Variants in TUSC3 observed in about 807,000 individuals in gnomAD.
The protein encoded by TUSC3 is dolichyl-diphosphooligosaccharide--protein glycosyltransferase subunit TUSC3.
Under a neutral mutation model 44.8 loss-of-function variants are expected in TUSC3, and 45 were observed. The observed-to-expected ratio is 1.00, with a 90% CI of 0.79 to 1.29. TUSC3 has a LOEUF of 1.29. Ranked by LOEUF, TUSC3 falls within the 50% of genes most tolerant of loss-of-function variation. TUSC3 has a pLI of 0.00. For missense variants in TUSC3, 519 were observed against 437.9 expected, an observed-to-expected ratio of 1.19 and a Z score of -1.65; for synonymous variants, 212 against 152.9, an observed-to-expected ratio of 1.39 and a Z score of -2.85.
rs574876069 is a variant in TUSC3, at chr8:15,666,878, A to C, written c.708+4582A>C. 3.3e-5 allele frequency among the ~76,000 whole-genome samples: 5 copies of C among 151,588 alleles called. No individual in the cohort carries two copies. The South Asian group carries it at 1.0e-3, about 31-fold the overall frequency. On this transcript the variant is annotated intron_variant, in intron 5 of 10. Transcript: ENST00000503731. Reference sequence around the variant, plus strand: ...GCCATTTGTGTAAAGAGTTAGGAAAACAGAAAATAAAATGAATTCGTATAT... The same window carrying C: ...GCCATTTGTGTAAAGAGTTAGGAAACCAGAAAATAAAATGAATTCGTATAT...
intron 1 of TUSC3, among the ~76,000 whole-genome samples, chr8:15,475,783 A>G (rs1800567012): frequency 6.6e-6 from 1 of 152,176 alleles, no homozygotes; most frequent in Non-Finnish European, 1.5e-5. Flanking sequence ...TTTGCATTTT[A>G]TAAAAGTACT....
intron 1 of TUSC3, among the ~76,000 whole-genome samples, chr8:15,583,512 C>G (rs974706450): frequency 7.9e-5 from 12 of 152,080 alleles, no homozygotes; most frequent in African/African-American, 2.9e-4. Context: ...AAAATGTGTT[C>G]TATGGTTAAG....
chr8:15,569,018 A>G (rs1238408556), intron 1 of TUSC3, among the ~76,000 whole-genome samples: 1 of 152,140 alleles, frequency 6.6e-6, no homozygotes, highest in African/African-American at 2.4e-5. Context: ...CCTGATTTAC[A>G]TTAGATAGTT....
chr8:15,609,387 A>G (rs546225848), intron 1 of TUSC3, among the ~76,000 whole-genome samples: 210 of 152,174 alleles, frequency 1.4e-3, no homozygotes, highest in Non-Finnish European at 2.2e-3. Flanking sequence ...TGTATTCCCA[A>G]GAGAGGCAGG....
At chr8:15,481,710 A>G (rs758883764) in intron 1 of TUSC3, among the ~76,000 whole-genome samples, 20 of 152,216 alleles carry the variant, frequency 1.3e-4, no homozygotes, top group Non-Finnish European at 2.8e-4. Flanking sequence ...AACAATGTAC[A>G]TACCTTAATT....
chr8:15,521,693 C>T (rs1801302037), intron 2 of TUSC3, among the ~76,000 whole-genome samples: 1 of 152,112 alleles, frequency 6.6e-6, no homozygotes, highest in South Asian at 2.1e-4. Flanking sequence ...ATTGATGCAG[C>T]CTGCGGGCCA....
At chr8:15,466,415 G>T (rs1800415211) in intron 1 of TUSC3, among the ~76,000 whole-genome samples, 1 of 152,048 alleles carries the variant, frequency 6.6e-6, no homozygotes, top group Admixed American at 6.6e-5. Context: ...CTGGTATTTT[G>T]AAATTGTAAA....
At chr8:15,531,205 C>T (rs563820287) in intron 2 of TUSC3, among the ~76,000 whole-genome samples, 1 of 152,174 alleles carries the variant, frequency 6.6e-6, no homozygotes, top group Non-Finnish European at 1.5e-5. Flanking sequence ...CTCCAAGCTG[C>T]CTGCCTGGGC....
chr8:15,687,608 G>C (rs1808692837), intron 6 of TUSC3, among the ~76,000 whole-genome samples: 1 of 152,068 alleles, frequency 6.6e-6, no homozygotes, highest in South Asian at 2.1e-4. Flanking sequence ...CCTAACGTCT[G>C]ACTGAATCTT....
Position 15,741,629 on chromosome 8 carries a change from G to A in TUSC3, c.863-1909G>A, listed in dbSNP as rs185892358. On this transcript the variant is annotated intron_variant, in intron 7 of 10. Coordinates refer to ENST00000503731, the MANE Select transcript of TUSC3 (RefSeq NM_006765.4). ...TTGAACCTGGGAGGCAGAGGTTGCAGTGAATCAAGATCGTGCCACTGCACT... is the reference window on the plus strand; with the variant it reads ...TTGAACCTGGGAGGCAGAGGTTGCAATGAATCAAGATCGTGCCACTGCACT... Among the ~76,000 whole-genome samples the A allele has an allele frequency of 7.2e-5, 11 of 152,074 alleles. No homozygotes were observed. In the East Asian group the frequency reaches 2.1e-3, roughly 30 times the overall value.
At chr8:15,492,649 G>C (rs553538890) in intron 2 of TUSC3, among the ~76,000 whole-genome samples, 4 of 152,080 alleles carry the variant, frequency 2.6e-5, no homozygotes, top group East Asian at 3.9e-4. Context: ...AAAATGTCAC[G>C]TAACAGGCTG....
At chr8:15,521,612 A>T (rs994176168) in intron 2 of TUSC3, among the ~76,000 whole-genome samples, 1 of 150,802 alleles carries the variant, frequency 6.6e-6, no homozygotes, top group Non-Finnish European at 1.5e-5. Flanking sequence ...ATAGGTAATT[A>T]CCCCCCCCAA....
At chr8:15,649,456 C>A (rs951219900) in intron 2 of TUSC3, among the ~76,000 whole-genome samples, 1 of 151,924 alleles carries the variant, frequency 6.6e-6, no homozygotes, top group Non-Finnish European at 1.5e-5. Context: ...TGGTGGCGGG[C>A]GCCTGTAGTC....
the TUSC3 span, among the ~76,000 whole-genome samples, chr8:15,844,465 C>T: frequency 1.3e-5 from 2 of 151,926 alleles, no homozygotes; most frequent in Admixed American, 1.3e-4. Context: ...TTTCAAGGCA[C>T]AAACGGAGAA....
At chr8:15,759,920 C>G (rs1812100533) in intron 10 of TUSC3, among the ~76,000 whole-genome samples, 1 of 152,128 alleles carries the variant, frequency 6.6e-6, no homozygotes, top group African/African-American at 2.4e-5. Context: ...ATCTTGAAGT[C>G]ATTTTGTCCT....
chr8:15,490,800 A>T (rs912844719), intron 2 of TUSC3, among the ~76,000 whole-genome samples: 10 of 152,236 alleles, frequency 6.6e-5, no homozygotes, highest in Admixed American at 6.5e-5. Context: ...TATTTTTCTC[A>T]TAACTTCACA....
the TUSC3 span, among the ~76,000 whole-genome samples, chr8:15,834,025 C>T: frequency 6.6e-6 from 1 of 151,854 alleles, no homozygotes; most frequent in Non-Finnish European, 1.5e-5. Flanking sequence ...TTCAATTTGT[C>T]TATCATACTA....
chr8:15,718,588 T>C (rs965931155), intron 6 of TUSC3, among the ~76,000 whole-genome samples: 2 of 152,100 alleles, frequency 1.3e-5, no homozygotes, highest in African/African-American at 4.8e-5. Context: ...ACACATCTTC[T>C]AAAGGAGAGA....
At chr8:15,485,867 A>G (rs1800726788) in intron 2 of TUSC3, among the ~76,000 whole-genome samples, 1 of 152,074 alleles carries the variant, frequency 6.6e-6, no homozygotes, top group South Asian at 2.1e-4. Flanking sequence ...ATGTCACCTC[A>G]CTGCAACCTC....
Sources: allele counts gnomAD v4.1 joint callset (sites outside exome capture counted in the v4.1 genomes callset), GRCh38; gene constraint gnomAD v4.1.1; transcripts MANE v1.5; gene names NCBI Gene and HGNC (gene_info 2026-07-23, HGNC 2026-07-21).